CAMK4: variants seen among roughly 807,000 people sequenced by gnomAD.
CAMK4 encodes calcium/calmodulin dependent protein kinase IV, also known as calcium/calmodulin-dependent protein kinase type IV.
In CAMK4, 22 loss-of-function variants were observed where a neutral mutation model predicts 44.9. The ratio of observed to expected loss-of-function variants is 0.49; its 90% CI spans 0.35 to 0.70. The LOEUF is 0.70. CAMK4 is among the 30% of genes least tolerant of loss of function. The pLI, the probability that CAMK4 is intolerant of heterozygous loss-of-function variation, is 0.01. For missense variants in CAMK4, 498 were observed against 586.8 expected (o/e 0.85, Z 1.56); for synonymous variants, 218 against 215.4 (o/e 1.01, Z -0.11).
chr5:111,431,866 G>A (rs1024466597), intron 5 of CAMK4, among the ~76,000 whole-genome samples: 2 of 152,150 alleles, frequency 1.3e-5, no homozygotes, highest in African/African-American at 4.8e-5. Context: ...AATAACAAAT[G>A]CTGGTGAGGA....
chr5:111,264,191 C>G (rs1485722433), intron 1 of CAMK4, among the ~76,000 whole-genome samples: 2 of 152,072 alleles, frequency 1.3e-5, no homozygotes, highest in African/African-American at 2.4e-5. Context: ...GGTCCTGCTG[C>G]AAGATGGTGG....
chr5:111,266,653 C>A (rs1037067244), intron 1 of CAMK4, among the ~76,000 whole-genome samples: 1 of 152,170 alleles, frequency 6.6e-6, no homozygotes, highest in Admixed American at 6.5e-5. Flanking sequence ...CATGCATACC[C>A]CAGATTGACT....
At chr5:111,420,029 T>C (rs943159275) in intron 5 of CAMK4, among the ~76,000 whole-genome samples, 6 of 152,010 alleles carry the variant, frequency 3.9e-5, no homozygotes, top group Non-Finnish European at 7.4e-5. Context: ...TAAATTACCT[T>C]GGGCAGTATG....
intron 5 of CAMK4, among the ~76,000 whole-genome samples, chr5:111,405,241 G>T (rs184474718): frequency 1.3e-5 from 2 of 152,184 alleles, no homozygotes; most frequent in Non-Finnish European, 2.9e-5. Context: ...AGGCCAAGGC[G>T]GGCGGATCAC....
At chr5:111,421,289 G>C (rs561226290) in intron 5 of CAMK4, among the ~76,000 whole-genome samples, 125 of 152,260 alleles carry the variant, frequency 8.2e-4, no homozygotes, top group African/African-American at 2.9e-3. Context: ...CTGATTTTCT[G>C]GTTTTAGTTA....
intron 1 of CAMK4, among the ~76,000 whole-genome samples, chr5:111,332,510 T>C (rs60860889): frequency 0.024 from 3,708 of 151,614 alleles, 159 homozygotes; most frequent in African/African-American, 0.084. Flanking sequence ...TCCAAGTCTT[T>C]GCTATTGTGA....
chr5:111,469,584 G>T (rs907589468), intron 7 of CAMK4, among the ~76,000 whole-genome samples: 4 of 152,278 alleles, frequency 2.6e-5, no homozygotes, highest in South Asian at 2.1e-4. Flanking sequence ...GAGTTCTTTG[G>T]CTGGGAGCTA....
At chr5:111,285,877 A>G (rs541499764) in intron 1 of CAMK4, among the ~76,000 whole-genome samples, 1 of 152,176 alleles carries the variant, frequency 6.6e-6, no homozygotes, top group Non-Finnish European at 1.5e-5. Context: ...GTTGTCATCC[A>G]TTTCTCTGAT....
In CAMK4 at chr5:111,449,223, T is replaced by G; in HGVS notation, c.625+20T>G. On this transcript the variant is annotated intron_variant, in intron 7 of 10. Coordinates refer to ENST00000282356, the MANE Select transcript of CAMK4 (RefSeq NM_001744.6). ...ACTGCGGTATGCTCTTTAATAATTA[T>G]ATTTTACTTTTATTGTTATTTGAAA... 9.0e-7 allele frequency: 1 copy of G among 1,115,042 alleles called. No individual in the cohort carries two copies. The highest frequency in any genetic ancestry group is 1.3e-6 in the Non-Finnish European group (1 of 767,524). The allele number at this position is 1,115,042 out of a possible 1,614,324, so 69.1% of individuals were successfully genotyped here. A position where few individuals can be genotyped will look rare whatever the true frequency, so the allele number is the denominator to read the frequency against.
chr5:111,317,001 G>A (rs143796659), intron 1 of CAMK4, among the ~76,000 whole-genome samples: 1 of 152,046 alleles, frequency 6.6e-6, no homozygotes, highest in Non-Finnish European at 1.5e-5. Context: ...TTTCTAGCTG[G>A]TTCAAGCTTC....
intron 2 of CAMK4, among the ~76,000 whole-genome samples, chr5:111,360,865 C>G (rs1425568192): frequency 6.6e-6 from 1 of 152,076 alleles, no homozygotes; most frequent in African/African-American, 2.4e-5. Flanking sequence ...GCAACACTGA[C>G]AAAGAAATTT....
At chr5:111,296,093 C>T (rs1180047917) in intron 1 of CAMK4, among the ~76,000 whole-genome samples, 4 of 152,082 alleles carry the variant, frequency 2.6e-5, no homozygotes, top group Admixed American at 1.3e-4. Flanking sequence ...AAGTAATAGC[C>T]CACATACTTT....
chr5:111,259,508 A>G (rs771837741), intron 1 of CAMK4, among the ~76,000 whole-genome samples: 1 of 152,216 alleles, frequency 6.6e-6, no homozygotes, highest in Non-Finnish European at 1.5e-5. Context: ...AGTTTCCAAC[A>G]GCTCATTGGA....
intron 1 of CAMK4, among the ~76,000 whole-genome samples, chr5:111,250,982 C>T (rs1580480230): frequency 1.3e-5 from 2 of 152,160 alleles, no homozygotes. Flanking sequence ...TTCTTAGCCT[C>T]TCCATGAATG....
At chr5:111,438,188 A>G (rs1213258860) in intron 5 of CAMK4, among the ~76,000 whole-genome samples, 1 of 152,198 alleles carries the variant, frequency 6.6e-6, no homozygotes, top group East Asian at 1.9e-4. Context: ...GAGTGCTGCT[A>G]TGGACATGAT....
chr5:111,316,366 C>G lies in CAMK4; in HGVS notation c.162-27658C>G, dbSNP rs190463421. Among the ~76,000 whole-genome samples the G allele has an allele frequency of 3.3e-4, 50 of 152,322 alleles. No homozygotes were observed. The East Asian group carries it at 5.4e-3, about 16-fold the overall frequency. On this transcript the variant is annotated intron_variant, in intron 1 of 10. Coordinates refer to ENST00000282356, the MANE Select transcript of CAMK4 (RefSeq NM_001744.6). ...ACTGTTCTCAACATTTAGTCTCACT[C>G]CACAGACATTTGCCCAGGAGGCTTA... is the stretch of plus-strand genomic sequence containing the variant.
rs942121307 is a variant in CAMK4 at position 111,224,765 on chromosome 5, T to G, written c.161+121T>G. ...TGCCCTTCGATTTCTCCCTACCTAGTTAGTGTCTTGAGAGAGAGCTAACCT... is the reference window on the plus strand; with the variant it reads ...TGCCCTTCGATTTCTCCCTACCTAGGTAGTGTCTTGAGAGAGAGCTAACCT... On this transcript the variant is annotated intron_variant, in intron 1 of 10. Transcript: ENST00000282356. This position sits in a 1 kb window ranked among gnomAD's most constrained non-coding sequence, Gnocchi z 5.7. 1.9e-5 allele frequency: 18 copies of G among 963,086 alleles called. No homozygotes were observed. The African/African-American group carries it at 1.9e-4, about 10-fold the overall frequency. The allele number at this position is 963,086 out of a possible 1,614,324, so 59.7% of individuals were successfully genotyped here.
rs1380966823 is a variant in CAMK4, at chr5:111,491,057, C to T, written c.*6591C>T. 6.6e-6 allele frequency: 1 copy of T among 152,186 alleles called. No homozygotes were observed. The highest frequency in any genetic ancestry group is 1.5e-5 in the Non-Finnish European group (1 of 68,024). The allele number at this position is 152,186 out of a possible 1,614,324, so 9.4% of individuals were successfully genotyped here. Reference sequence around the variant, plus strand: ...CTTGAATGTCAGTCATTCATTTTATCTCTCGTCTTTGAGATACACACATTA... The same window carrying T: ...CTTGAATGTCAGTCATTCATTTTATTTCTCGTCTTTGAGATACACACATTA... On this transcript the variant is annotated 3_prime_UTR_variant, in exon 11 of 11. Coordinates refer to ENST00000282356, the MANE Select transcript of CAMK4 (RefSeq NM_001744.6).
chr5:111,367,519 A>G (rs410856), intron 2 of CAMK4, among the ~76,000 whole-genome samples: 141,035 of 152,118 alleles, frequency 0.93, 65,535 homozygotes, highest in East Asian at 1. Context: ...CTGATGGGCC[A>G]CCTTATATTT....
Sources: allele counts gnomAD v4.1 joint callset (sites outside exome capture counted in the v4.1 genomes callset), GRCh38; gene constraint gnomAD v4.1.1; non-coding constraint Gnocchi (gnomAD v3.1); transcripts MANE v1.5; gene names NCBI Gene and HGNC (gene_info 2026-07-23, HGNC 2026-07-21).